Variants in CELF2 observed in about 807,000 individuals in gnomAD.
CELF2 encodes the protein CUG triplet repeat RNA-binding protein 2.
A neutral mutation model predicts 62.6 loss-of-function variants in CELF2; 8 were observed. That is an observed-to-expected ratio of 0.13 (90% CI 0.07 to 0.23). The LOEUF (loss-of-function observed/expected upper bound fraction) is 0.23. Among genes scored for constraint, CELF2 ranks in the 10% least tolerant of loss-of-function variants. The probability of loss-of-function intolerance (pLI) is 1.00; values close to 1 mark genes in which losing one functional copy is unlikely to be tolerated. For missense variants in CELF2, 333 were observed against 671.0 expected (o/e 0.50, Z 5.56); for synonymous variants, 258 against 250.0 (o/e 1.03, Z -0.30).
chr10:10,919,269 G>GAA (rs5783186), intron 1 of CELF2, among the ~76,000 whole-genome samples: 2 of 147,844 alleles, frequency 1.4e-5, no homozygotes, highest in Admixed American at 1.4e-4. Flanking sequence ...TACTCTGTCT[G>GAA]AAAAAAAAAA....
chr10:10,992,761 G>C (rs1350617752), intron 2 of CELF2, among the ~76,000 whole-genome samples: 3 of 152,202 alleles, frequency 2.0e-5, no homozygotes, highest in Non-Finnish European at 2.9e-5. Flanking sequence ...ATAATTCAAT[G>C]ATAGGTGATA....
chr10:10,904,685 G>A (rs187804100), intron 1 of CELF2, among the ~76,000 whole-genome samples: 14 of 152,296 alleles, frequency 9.2e-5, no homozygotes, highest in East Asian at 7.7e-4. Flanking sequence ...ATGCCCATGC[G>A]CCTGCCTCTG....
At chr10:10,535,775 TG>T in the CELF2 span, among the ~76,000 whole-genome samples, 1 of 152,064 alleles carries the variant, frequency 6.6e-6, no homozygotes, top group African/African-American at 2.4e-5. Context: ...ACATTTGGCT[TG>T]GGGGACCTTA....
the CELF2 span, among the ~76,000 whole-genome samples, chr10:10,615,224 A>T: frequency 2.0e-5 from 3 of 152,056 alleles, no homozygotes; most frequent in South Asian, 4.1e-4. Context: ...GTTCATCTTC[A>T]TTGTTTGTGG....
chr10:10,816,363 G>T (rs1564660908), intron 1 of CELF2, among the ~76,000 whole-genome samples: 1 of 152,152 alleles, frequency 6.6e-6, no homozygotes, highest in Non-Finnish European at 1.5e-5. Context: ...TTCTGCTTCT[G>T]ACTTCAGATA....
chr10:11,010,001 C>T lies in CELF2; in HGVS notation c.53+4561C>T, dbSNP rs1008678573. On this transcript the variant is annotated intron_variant, in intron 1 of 12. Coordinates refer to the CELF2 transcript ENST00000416382. The surrounding 1 kb of genome is among the most constrained non-coding windows in gnomAD (Gnocchi z 4.1). ...CTGACTAGCCTGGGCACAGTTGTGC[C>T]TTTATGCGGAAATTGATGAGTTGCT... 2.0e-5 allele frequency among the ~76,000 whole-genome samples: 3 copies of T among 152,228 alleles called. No homozygotes were observed. The highest frequency in any genetic ancestry group is 1.3e-4 in the Admixed American group (2 of 15,284).
chr10:10,898,189 C>G (rs368021015), intron 1 of CELF2, among the ~76,000 whole-genome samples: 1 of 152,186 alleles, frequency 6.6e-6, no homozygotes, highest in Non-Finnish European at 1.5e-5. Context: ...AACTTGTTTT[C>G]TAGTATCACA....
chr10:10,823,897 C>T (rs752136920), intron 1 of CELF2, among the ~76,000 whole-genome samples: 1 of 151,616 alleles, frequency 6.6e-6, no homozygotes, highest in Non-Finnish European at 1.5e-5. Flanking sequence ...TATTTCAGAT[C>T]GTGTGTGTGT....
At chr10:10,785,889 C>T in the CELF2 span, among the ~76,000 whole-genome samples, 1 of 152,094 alleles carries the variant, frequency 6.6e-6, no homozygotes, top group Non-Finnish European at 1.5e-5. Context: ...TAAGTGTTCT[C>T]ACCACAAAAG....
chr10:10,623,106 A>AG, the CELF2 span, among the ~76,000 whole-genome samples: 1 of 141,992 alleles, frequency 7.0e-6, no homozygotes, highest in African/African-American at 2.9e-5. Context: ...AAAAAAAAAA[A>AG]AAAAAAAAAA....
At chr10:10,778,568 A>G in the CELF2 span, among the ~76,000 whole-genome samples, 5 of 152,200 alleles carry the variant, frequency 3.3e-5, no homozygotes, top group African/African-American at 1.2e-4. Flanking sequence ...TGAGATTTGT[A>G]TTGCCCTTTT....
upstream of CELF2, among the ~76,000 whole-genome samples, chr10:11,015,358 C>T (rs933217302): frequency 1.8e-4 from 27 of 152,016 alleles, 1 homozygote; most frequent in African/African-American, 1.9e-4. The surrounding 1 kb of genome is among the most constrained non-coding windows in gnomAD (Gnocchi z 4.8). Flanking sequence ...TCATGGAAAC[C>T]GACTCGATAT....
At chr10:10,473,864 G>A in the CELF2 span, among the ~76,000 whole-genome samples, 7 of 151,994 alleles carry the variant, frequency 4.6e-5, no homozygotes, top group Non-Finnish European at 7.4e-5. Context: ...CTATATCTGA[G>A]CTATTGACTA....
At chr10:10,496,997 C>T in the CELF2 span, among the ~76,000 whole-genome samples, 1 of 152,022 alleles carries the variant, frequency 6.6e-6, no homozygotes, top group East Asian at 1.9e-4. Context: ...TGAGATCAGC[C>T]TGGATAACAT....
At chr10:10,671,641 G>A in the CELF2 span, among the ~76,000 whole-genome samples, 1 of 152,118 alleles carries the variant, frequency 6.6e-6, no homozygotes, top group Non-Finnish European at 1.5e-5. Context: ...TAGGTGTACA[G>A]GTGTATCTCC....
At chr10:11,258,738 G>C (rs1228858572) in intron 5 of CELF2, among the ~76,000 whole-genome samples, 1 of 152,178 alleles carries the variant, frequency 6.6e-6, no homozygotes, top group African/African-American at 2.4e-5. Context: ...CCAGGCCAGA[G>C]TGCAGTGGCG....
chr10:10,514,320 G>A, the CELF2 span, among the ~76,000 whole-genome samples: 1 of 152,054 alleles, frequency 6.6e-6, no homozygotes, highest in South Asian at 2.1e-4. Flanking sequence ...TTTTAAATCA[G>A]TTGGCCAAGT....
intron 1 of CELF2, among the ~76,000 whole-genome samples, chr10:10,883,864 C>T (rs1033940959): frequency 6.6e-6 from 1 of 152,062 alleles, no homozygotes; most frequent in East Asian, 1.9e-4. Context: ...TAGGCATTCT[C>T]ATAATTTCCT....
rs2047685577 is a variant in CELF2, at chr10:11,089,342, T to C, written c.74+71179T>C. 2.6e-5 allele frequency among the ~76,000 whole-genome samples: 4 copies of C among 152,082 alleles called. No individual in the cohort carries two copies. In the South Asian group the frequency reaches 8.3e-4, roughly 32 times the overall value. On this transcript the variant is annotated intron_variant, in intron 1 of 12. Coordinates refer to ENST00000633077, the MANE Select transcript of CELF2 (RefSeq NM_001326342.2). ...TGAGGTGCGCATAGGATTTTGAAGG[T>C]GAAAAGGGTGTAGTAACTGAAGATA...
Sources: gnomAD v4.1 joint callset for allele counts (sites outside exome capture counted in the v4.1 genomes callset) on GRCh38, gnomAD v4.1.1 for gene constraint, Gnocchi (gnomAD v3.1) non-coding constraint, MANE v1.5 for transcripts, NCBI Gene and HGNC (gene_info 2026-07-23, HGNC 2026-07-21) for gene names.